The following CDH12 variants were observed in gnomAD, a reference collection of about 807,000 sequenced individuals.
The protein encoded by CDH12 is cadherin-12.
In CDH12, 41 loss-of-function variants were observed where a neutral mutation model predicts 74.1. That is an observed-to-expected ratio of 0.55 (90% CI 0.43 to 0.72). The LOEUF (loss-of-function observed/expected upper bound fraction) is 0.72, where lower values mean the gene tolerates loss of function less well. Among genes scored for constraint, CDH12 ranks in the 30% least tolerant of loss-of-function variants. CDH12 has a pLI of 0.00. For missense variants in CDH12, 945 were observed against 977.2 expected, an observed-to-expected ratio of 0.97 and a Z score of 0.44; for synonymous variants, 399 against 355.0, an observed-to-expected ratio of 1.12 and a Z score of -1.39.
At chr5:22,106,066 T>C (rs1269701407) in intron 4 of CDH12, among the ~76,000 whole-genome samples, 1 of 152,210 alleles carries the variant, frequency 6.6e-6, no homozygotes, top group Non-Finnish European at 1.5e-5. Flanking sequence ...TCTGATTTGT[T>C]GTTCTTTCCA....
intron 7 of CDH12, among the ~76,000 whole-genome samples, chr5:21,844,892 AACT>A (rs1750072953): frequency 6.6e-6 from 1 of 152,148 alleles, no homozygotes; most frequent in African/African-American, 2.4e-5. Context: ...TCACAAATGC[AACT>A]ACAATTTCGA....
Position 21,919,458 on chromosome 5 carries a change from A to G in CDH12, c.526+55633T>C, listed in dbSNP as rs1304923618. On this transcript the variant is annotated intron_variant, in intron 6 of 14. Coordinates refer to ENST00000382254, the MANE Select transcript of CDH12 (RefSeq NM_004061.5). ...CAAAACCCAACATGTTAACGTTTCA[A>G]TTCCACTTATGAAATGCCATTATTT... Among the ~76,000 whole-genome samples the G allele has an allele frequency of 3.9e-5, 6 of 152,136 alleles. No individual in the cohort carries two copies. The East Asian group carries it at 9.6e-4, about 24-fold the overall frequency.
At chr5:22,010,306 A>G (rs370199491) in intron 5 of CDH12, among the ~76,000 whole-genome samples, 5 of 152,184 alleles carry the variant, frequency 3.3e-5, no homozygotes, top group African/African-American at 1.2e-4. Flanking sequence ...CAGTTTTCAC[A>G]TAAATAGGAC....
intron 2 of CDH12, among the ~76,000 whole-genome samples, chr5:22,423,318 A>C (rs1324221841): frequency 6.6e-6 from 1 of 152,022 alleles, no homozygotes; most frequent in African/African-American, 2.4e-5. Context: ...ACTACTTCTG[A>C]GAATCTGAGA....
chr5:22,806,413 C>A (rs531247931), intron 1 of CDH12, among the ~76,000 whole-genome samples: 209 of 143,522 alleles, frequency 1.5e-3, no homozygotes, highest in Non-Finnish European at 2.3e-3. Context: ...AGTGCAGTGG[C>A]GCAATCTCGG....
chr5:22,107,044 C>G (rs1275801213), intron 4 of CDH12, among the ~76,000 whole-genome samples: 1 of 151,968 alleles, frequency 6.6e-6, no homozygotes, highest in African/African-American at 2.4e-5. Flanking sequence ...ACCCATTCTA[C>G]TGGGGTCCTA....
chr5:22,809,793 T>C (rs1434960845), intron 1 of CDH12, among the ~76,000 whole-genome samples: 3 of 152,078 alleles, frequency 2.0e-5, no homozygotes, highest in African/African-American at 7.2e-5. Context: ...CTTTAATAAC[T>C]TGGTGTATTT....
chr5:21,797,802 T>A (rs1462619215), intron 10 of CDH12, among the ~76,000 whole-genome samples: 1 of 152,152 alleles, frequency 6.6e-6, no homozygotes, highest in East Asian at 1.9e-4. Flanking sequence ...TACCTAATAA[T>A]GTTTTTTACT....
At chr5:22,494,856 G>A (rs974700348) in intron 2 of CDH12, among the ~76,000 whole-genome samples, 3 of 152,140 alleles carry the variant, frequency 2.0e-5, no homozygotes, top group African/African-American at 7.2e-5. Flanking sequence ...TGATGAGGCT[G>A]GAGAATTCAA....
chr5:22,115,880 C>T lies in CDH12; in HGVS notation c.-186-37018G>A, dbSNP rs183111016. On this transcript the variant is annotated intron_variant, in intron 4 of 14. Transcript: ENST00000382254. ...GTAATTTTTGTATTTTTAGTGGAGT[C>T]GGGGTTTCACCATGTTGGCCAGGAT... 8.8e-4 allele frequency among the ~76,000 whole-genome samples: 133 copies of T among 151,832 alleles called. No individual in the cohort carries two copies. In the Middle Eastern group the frequency reaches 0.017, roughly 19 times the overall value.
chr5:22,201,588 T>A (rs1013054676), intron 4 of CDH12, among the ~76,000 whole-genome samples: 5 of 152,102 alleles, frequency 3.3e-5, no homozygotes, highest in Admixed American at 6.6e-5. Context: ...ATTTGAGTGA[T>A]GGATACACTA....
At chr5:21,970,246 C>T (rs565760264) in intron 6 of CDH12, among the ~76,000 whole-genome samples, 14 of 152,220 alleles carry the variant, frequency 9.2e-5, no homozygotes, top group African/African-American at 2.9e-4. Context: ...AAATAGTCAA[C>T]ATTCTGTCTT....
intron 1 of CDH12, among the ~76,000 whole-genome samples, chr5:22,669,987 C>A (rs1740824459): frequency 6.6e-6 from 1 of 152,060 alleles, no homozygotes; most frequent in Non-Finnish European, 1.5e-5. Flanking sequence ...TTAATTAAGC[C>A]ATTTTTCTTA....
intron 4 of CDH12, among the ~76,000 whole-genome samples, chr5:22,080,116 G>T (rs1742621813): frequency 6.6e-6 from 1 of 152,056 alleles, no homozygotes; most frequent in African/African-American, 2.4e-5. Context: ...GGCCGAAAAC[G>T]TTGGAAGCCA....
intron 11 of CDH12, among the ~76,000 whole-genome samples, chr5:21,772,975 G>A (rs952842343): frequency 9.2e-5 from 14 of 152,104 alleles, no homozygotes; most frequent in African/African-American, 3.1e-4. Context: ...AGTAATGTAC[G>A]CAAAAGCAGT....
intron 2 of CDH12, among the ~76,000 whole-genome samples, chr5:22,440,080 T>G (rs894465812): frequency 2.0e-5 from 3 of 152,100 alleles, no homozygotes; most frequent in Admixed American, 2.0e-4. Flanking sequence ...AAAATTTCAG[T>G]CAACTATTTG....
chr5:22,763,472 A>G (rs1746331126), intron 1 of CDH12, among the ~76,000 whole-genome samples: 1 of 151,984 alleles, frequency 6.6e-6, no homozygotes, highest in South Asian at 2.1e-4. Flanking sequence ...CAACTCTGTT[A>G]ACAGTATTAG....
intron 1 of CDH12, among the ~76,000 whole-genome samples, chr5:22,574,365 T>G (rs1257936316): frequency 6.6e-6 from 1 of 152,126 alleles, no homozygotes; most frequent in East Asian, 1.9e-4. Flanking sequence ...GTCTTCAATT[T>G]CAGCATTCAT....
chr5:22,687,137 T>C (rs144148968), intron 1 of CDH12, among the ~76,000 whole-genome samples: 2,199 of 151,800 alleles, frequency 0.014, 50 homozygotes, highest in African/African-American at 0.051. Flanking sequence ...GTACTAAAAA[T>C]ACAAAAATTA....
Sources: allele counts gnomAD v4.1 joint callset (sites outside exome capture counted in the v4.1 genomes callset), GRCh38; gene constraint gnomAD v4.1.1; transcripts MANE v1.5; gene names NCBI Gene and HGNC (gene_info 2026-07-23, HGNC 2026-07-21).